SBNO1: variants seen among roughly 807,000 people sequenced by gnomAD.
SBNO1 encodes the protein strawberry notch homolog 1, also known as protein strawberry notch homolog 1.
A neutral mutation model predicts 173.6 loss-of-function variants in SBNO1; 23 were observed. The ratio of observed to expected loss-of-function variants is 0.13; its 90% CI spans 0.10 to 0.19. The LOEUF (loss-of-function observed/expected upper bound fraction) is 0.19. Among genes scored for constraint, SBNO1 ranks in the 10% least tolerant of loss-of-function variants. The probability of loss-of-function intolerance (pLI) is 1.00; values close to 1 mark genes in which losing one functional copy is unlikely to be tolerated. For missense variants in SBNO1, 1,238 were observed against 1,671.2 expected, an observed-to-expected ratio of 0.74 and a Z score of 4.52; for synonymous variants, 632 against 571.5, an observed-to-expected ratio of 1.11 and a Z score of -1.51.
Position 123,312,469 on chromosome 12 carries a change from T to C in SBNO1, c.3220+1151A>G, listed in dbSNP as rs149283429. 5.9e-3 allele frequency among the ~76,000 whole-genome samples: 892 copies of C among 152,216 alleles called. 5 individuals are homozygous for C. Among genetic ancestry groups the C allele is most frequent in the South Asian group, 0.011 (53 of 4,820 alleles). On this transcript the variant is annotated intron_variant, in intron 24 of 31. Coordinates refer to ENST00000602398, the MANE Select transcript of SBNO1 (RefSeq NM_001167856.3). ...GCTCACATCTGTAATCCCAGCACTA[T>C]GGGAGGTTGAGGTGGGAGGATCACA...
chr12:123,350,332 A>G lies in SBNO1; in HGVS notation c.110T>C (p.Met37Thr), dbSNP rs1873734150. 6.2e-7 allele frequency: 1 copy of G among 1,614,100 alleles called. No homozygotes were observed. Among genetic ancestry groups the G allele is most frequent in the Non-Finnish European group, 8.5e-7 (1 of 1,179,960 alleles). ...DGGDAGLATP[M>T]PTPSVQQSVP... ...TACCTGCTGAACTGACGGGGTAGGC[A>G]TTGGAGTTGCAAGCCCTGCATCTCC... Residue 37 changes from methionine to threonine, a missense_variant, in exon 2 of 32, where the codon ATG becomes ACG. Physicochemically the swap from Met to Thr is moderately conservative, Grantham distance 81 (BLOSUM62 -1). Around this residue, in one of 14 missense-constraint regions of SBNO1, gnomAD observed 287 missense variants for 274.1 expected, o/e 1.05. Transcript: ENST00000602398.
intron 1 of SBNO1, 98 bp downstream of exon 1, chr12:123,364,601 TCC>T: frequency 3.1e-6 from 3 of 977,162 alleles, no homozygotes; most frequent in Non-Finnish European, 3.6e-6. Context: ...GAGGTGGCTG[TCC>T]CCCCAGCCTG....
chr12:123,352,069 ATGGAT>A (rs1873940919), intron 1 of SBNO1, among the ~76,000 whole-genome samples: 1 of 1,072 alleles, frequency 9.3e-4, no homozygotes, highest in Non-Finnish European at 3.2e-3. Context: ...TTCTGCTGCC[ATGGAT>A]TTTTACCCAT....
chr12:123,352,899 G>C (rs1404207979), intron 1 of SBNO1, among the ~76,000 whole-genome samples: 1 of 152,162 alleles, frequency 6.6e-6, no homozygotes, highest in African/African-American at 2.4e-5. Context: ...CCAGGTTCAA[G>C]AAATTCTCCT....
intron 24 of SBNO1, among the ~76,000 whole-genome samples, chr12:123,311,760 G>A (rs1397081368): frequency 6.9e-6 from 1 of 145,766 alleles, no homozygotes; most frequent in Non-Finnish European, 1.5e-5. Context: ...TTTTGCGACA[G>A]AGTCTGACTA....
chr12:123,299,093 G>C (rs948025926), intron 30 of SBNO1, among the ~76,000 whole-genome samples: 1 of 152,254 alleles, frequency 6.6e-6, no homozygotes, highest in East Asian at 1.9e-4. Flanking sequence ...TATGGGCTGG[G>C]TGCGGTGGCT....
intron 30 of SBNO1, among the ~76,000 whole-genome samples, 159 bp from the exon 31 acceptor site, chr12:123,298,330 G>A (rs764806824): frequency 2.0e-5 from 3 of 151,968 alleles, no homozygotes; most frequent in Admixed American, 6.6e-5. Context: ...GCAGTGGTGC[G>A]ATCTCGGCTC....
At chr12:123,364,139 GGCTTCCCCACC>G in intron 1 of SBNO1, 1 of 985,528 alleles carries the variant, frequency 1.0e-6, no homozygotes, top group Non-Finnish European at 1.2e-6. Flanking sequence ...TGTCCCCCGC[GGCTTCCCCACC>G]GCCCCAAGAG....
chr12:123,355,261 C>T (rs1475525591), intron 1 of SBNO1, among the ~76,000 whole-genome samples: 8 of 152,174 alleles, frequency 5.3e-5, no homozygotes, highest in African/African-American at 1.2e-4. Context: ...CCTCGTGATC[C>T]GCCCGCCTGG....
chr12:123,323,865 A>T (rs376027269), intron 15 of SBNO1, 34 bp from the exon 16 acceptor site: 210 of 1,505,356 alleles, frequency 1.4e-4, no homozygotes, highest in Non-Finnish European at 1.7e-4. Context: ...TTACTGCTTC[A>T]GTTGACAAAA....
intron 1 of SBNO1, among the ~76,000 whole-genome samples, chr12:123,360,467 C>T (rs1202232203): frequency 1.3e-5 from 2 of 151,970 alleles, no homozygotes; most frequent in African/African-American, 4.8e-5. Flanking sequence ...TCTTTTGAGA[C>T]AGAGTCTCGC....
At chr12:123,358,059 C>CA (rs1417039226) in intron 1 of SBNO1, among the ~76,000 whole-genome samples, 1 of 152,222 alleles carries the variant, frequency 6.6e-6, no homozygotes, top group East Asian at 1.9e-4. Flanking sequence ...AGAAGTGACT[C>CA]AGGGTTTTTT....
chr12:123,309,471 A>G lies in SBNO1; in HGVS notation c.3537+18T>C, dbSNP rs2049003146. 1 of 1,606,754 alleles carries G rather than the reference A, an allele frequency of 6.2e-7. No individual in the cohort carries two copies. Among genetic ancestry groups the G allele is most frequent in the African/African-American group, 1.3e-5 (1 of 74,790 alleles). On this transcript the variant is annotated intron_variant, in intron 27 of 31. Transcript: ENST00000602398. ...ATCTCATGGGAAGACGATACTTCAC[A>G]ACATTTTCTAAACTTACTGTGTATA...
intron 1 of SBNO1, among the ~76,000 whole-genome samples, chr12:123,360,815 G>A (rs1309329326): frequency 6.6e-5 from 10 of 152,080 alleles, no homozygotes; most frequent in Non-Finnish European, 1.5e-5. Flanking sequence ...TTTCAGTAAG[G>A]CACTTAAAAC....
At chr12:123,345,029 C>A (rs1454930907) in intron 4 of SBNO1, among the ~76,000 whole-genome samples, 1 of 152,104 alleles carries the variant, frequency 6.6e-6, no homozygotes. Context: ...ATGTTGCTAA[C>A]GTAGCTACCT....
intron 6 of SBNO1, 83 bp from the exon 7 acceptor site, chr12:123,334,296 T>C: frequency 1.2e-6 from 1 of 856,778 alleles, no homozygotes; most frequent in African/African-American, 1.8e-5. Flanking sequence ...TTTCAATGTT[T>C]TTCTTATAAC....
At chr12:123,358,992 G>T (rs1874799542) in intron 1 of SBNO1, among the ~76,000 whole-genome samples, 1 of 151,612 alleles carries the variant, frequency 6.6e-6, no homozygotes. Context: ...GAGGGCAGAG[G>T]CGAGATCTTG....
intron 1 of SBNO1, among the ~76,000 whole-genome samples, chr12:123,352,472 A>G (rs1268568398): frequency 6.6e-6 from 1 of 151,956 alleles, no homozygotes; most frequent in Non-Finnish European, 1.5e-5. Flanking sequence ...TTTTGTATTT[A>G]GTAGAGACAG....
In SBNO1 at chr12:123,331,265, C is replaced by T; in HGVS notation, c.1020G>A (p.Leu340=). 1 of 1,614,066 alleles carries T rather than the reference C, an allele frequency of 6.2e-7. No individual in the cohort carries two copies. Among genetic ancestry groups the T allele is most frequent in the Admixed American group, 1.7e-5 (1 of 59,996 alleles). ...TIAGIIYENY[L]LSRKRALWFS... Reference sequence around the variant, plus strand: ...ACCACAATGCTCGTTTTCTACTCAACAAATAATTTTCATAGATGATTCCTG... The same window carrying T: ...ACCACAATGCTCGTTTTCTACTCAATAAATAATTTTCATAGATGATTCCTG... Residue 340 remains leucine (L), a synonymous_variant, in exon 8 of 32, where the codon TTG becomes TTA. Transcript: ENST00000602398.
Sources: gnomAD v4.1 joint callset for allele counts (sites outside exome capture counted in the v4.1 genomes callset) on GRCh38, gnomAD v4.1.1 for gene constraint, gnomAD v4.1.1 regional missense constraint, MANE v1.5 for transcripts, NCBI Gene and HGNC (gene_info 2026-07-23, HGNC 2026-07-21) for gene names.